Variants in CREB5 observed in about 807,000 individuals in gnomAD.
CREB5 encodes the protein cyclic AMP-responsive element-binding protein 5.
In CREB5, 19 loss-of-function variants were observed where a neutral mutation model predicts 57.1. That is an observed-to-expected ratio of 0.33 (90% CI 0.23 to 0.49). The LOEUF (loss-of-function observed/expected upper bound fraction) is 0.49, where lower values mean the gene tolerates loss of function less well. CREB5 is among the 20% of genes least tolerant of loss of function. The pLI, the probability that CREB5 is intolerant of heterozygous loss-of-function variation, is 0.99. For synonymous variants in CREB5, 238 were observed against 238.3 expected, an observed-to-expected ratio of 1.00 and a Z score of 0.01; for missense variants, 579 against 671.6, an observed-to-expected ratio of 0.86 and a Z score of 1.52.
intron 7 of CREB5, among the ~76,000 whole-genome samples, chr7:28,802,630 G>A (rs952572554): frequency 6.6e-6 from 1 of 152,326 alleles, no homozygotes; most frequent in East Asian, 1.9e-4. Context: ...TATTTCCAAC[G>A]AGTAACTGCA....
intron 1 of CREB5, among the ~76,000 whole-genome samples, chr7:28,317,181 C>A (rs1785398976): frequency 6.6e-6 from 1 of 151,904 alleles, no homozygotes; most frequent in Non-Finnish European, 1.5e-5. Flanking sequence ...TCAGTTTCTC[C>A]CTGTTGCATG....
chr7:28,306,914 G>A (rs974928561), intron 1 of CREB5, among the ~76,000 whole-genome samples: 1 of 152,216 alleles, frequency 6.6e-6, no homozygotes, highest in African/African-American at 2.4e-5. Flanking sequence ...TATGAAATGT[G>A]AGAATGATGA....
At chr7:28,564,321 C>T (rs1344578422) in intron 4 of CREB5, among the ~76,000 whole-genome samples, 1 of 152,194 alleles carries the variant, frequency 6.6e-6, no homozygotes, top group Admixed American at 6.5e-5. Context: ...TGAGACCTTA[C>T]AGGAATCAAC....
intron 1 of CREB5, among the ~76,000 whole-genome samples, chr7:28,453,395 T>C (rs1378551158): frequency 6.6e-6 from 1 of 152,194 alleles, no homozygotes; most frequent in Admixed American, 6.5e-5. Flanking sequence ...GCCATGATTG[T>C]GCCACTGCAC....
At chr7:28,345,970 G>T (rs1489856403) in intron 1 of CREB5, among the ~76,000 whole-genome samples, 1 of 152,110 alleles carries the variant, frequency 6.6e-6, no homozygotes, top group African/African-American at 2.4e-5. Context: ...CTGTGGGGCG[G>T]GACCTCTGTT....
intron 1 of CREB5, among the ~76,000 whole-genome samples, chr7:28,309,826 C>T (rs1242078766): frequency 2.6e-5 from 4 of 152,190 alleles, no homozygotes; most frequent in Non-Finnish European, 5.9e-5. Flanking sequence ...CTTCTGGCTT[C>T]CTCCTTCTCT....
intron 1 of CREB5, among the ~76,000 whole-genome samples, chr7:28,351,860 G>A (rs1029079823): frequency 6.6e-5 from 10 of 152,118 alleles, no homozygotes; most frequent in African/African-American, 1.9e-4. Flanking sequence ...ATAAAGTTTG[G>A]TAATAAAGGG....
At chr7:28,560,923 C>CGT (rs1308050615) in intron 4 of CREB5, among the ~76,000 whole-genome samples, 419 of 19,774 alleles carry the variant, frequency 0.021, 39 homozygotes, top group East Asian at 0.029. Context: ...TGCGTGTGTG[C>CGT]GCGTGCGTGT....
At chr7:28,564,306 C>T (rs1373605900) in intron 4 of CREB5, among the ~76,000 whole-genome samples, 1 of 152,188 alleles carries the variant, frequency 6.6e-6, no homozygotes, top group African/African-American at 2.4e-5. Context: ...TTGCAGATAA[C>T]ATTTTGAGAC....
intron 4 of CREB5, among the ~76,000 whole-genome samples, chr7:28,512,341 C>T (rs1399978772): frequency 6.6e-6 from 1 of 152,080 alleles, no homozygotes; most frequent in Non-Finnish European, 1.5e-5. Flanking sequence ...ATGAGCTGGG[C>T]GGAATCTTCC....
At chr7:28,434,596 A>C (rs1788867833) in intron 1 of CREB5, among the ~76,000 whole-genome samples, 1 of 152,228 alleles carries the variant, frequency 6.6e-6, no homozygotes, top group African/African-American at 2.4e-5. Flanking sequence ...TCAATAATTA[A>C]ATAGCTAAAT....
chr7:28,579,608 A>T (rs1174108791), intron 5 of CREB5, among the ~76,000 whole-genome samples: 1 of 152,176 alleles, frequency 6.6e-6, no homozygotes, highest in Non-Finnish European at 1.5e-5. Flanking sequence ...GGCCCCAAAC[A>T]TCTTTGAAAT....
intron 1 of CREB5, among the ~76,000 whole-genome samples, chr7:28,445,616 A>G (rs1391690594): frequency 1.3e-5 from 2 of 151,476 alleles, no homozygotes; most frequent in South Asian, 2.1e-4. Flanking sequence ...CAGTGGCGCG[A>G]TCTCGGCTCA....
intron 5 of CREB5, among the ~76,000 whole-genome samples, chr7:28,626,995 C>T (rs1583442222): frequency 6.6e-6 from 1 of 152,156 alleles, no homozygotes; most frequent in African/African-American, 2.4e-5. Context: ...AGAAACAAGT[C>T]GACATCCACT....
At chr7:28,623,640 T>C (rs1012021949) in intron 5 of CREB5, among the ~76,000 whole-genome samples, 1 of 152,184 alleles carries the variant, frequency 6.6e-6, no homozygotes, top group African/African-American at 2.4e-5. Flanking sequence ...ACAGACTAAT[T>C]TGAGTGAAAA....
chr7:28,358,552 C>T (rs911044481), intron 1 of CREB5, among the ~76,000 whole-genome samples: 1 of 152,200 alleles, frequency 6.6e-6, no homozygotes, highest in African/African-American at 2.4e-5. Context: ...TTAGACTTTG[C>T]CTTGATTGCC....
intron 5 of CREB5, among the ~76,000 whole-genome samples, chr7:28,608,448 G>A (rs1201516605): frequency 3.9e-5 from 6 of 152,078 alleles, no homozygotes; most frequent in African/African-American, 1.2e-4. Context: ...GAAACAGTAC[G>A]TAGTTGAAAC....
intron 1 of CREB5, among the ~76,000 whole-genome samples, chr7:28,446,773 C>A (rs1323726166): frequency 6.6e-6 from 1 of 152,176 alleles, no homozygotes; most frequent in Non-Finnish European, 1.5e-5. Flanking sequence ...GCCTGGGCAA[C>A]AGAGTGAGAC....
chr7:28,793,574 A>C (rs1257637070), intron 7 of CREB5, among the ~76,000 whole-genome samples: 1 of 152,204 alleles, frequency 6.6e-6, no homozygotes, highest in Non-Finnish European at 1.5e-5. Flanking sequence ...TCCAGATTCC[A>C]AAGTTTAAGC....
Sources: gnomAD v4.1 joint callset for allele counts (sites outside exome capture counted in the v4.1 genomes callset) on GRCh38, gnomAD v4.1.1 for gene constraint, MANE v1.5 for transcripts, NCBI Gene and HGNC (gene_info 2026-07-23, HGNC 2026-07-21) for gene names.